LARGE1: variants seen among roughly 807,000 people sequenced by gnomAD.
LARGE1 encodes the protein xylosyl- and glucuronyltransferase LARGE1.
LARGE1 carries 43 observed loss-of-function variants against 87.6 expected under a neutral mutation model. That is an observed-to-expected ratio of 0.49 (90% CI 0.38 to 0.63). The LOEUF (loss-of-function observed/expected upper bound fraction) is 0.63. LARGE1 is among the 30% of genes least tolerant of loss of function. The pLI is 0.00. For synonymous variants in LARGE1, 434 were observed against 394.6 expected, an observed-to-expected ratio of 1.10 and a Z score of -1.18; for missense variants, 802 against 1,000.2, an observed-to-expected ratio of 0.80 and a Z score of 2.67.
intron 6 of LARGE1, among the ~76,000 whole-genome samples, chr22:33,454,088 T>C (rs1486328772): frequency 1.3e-5 from 2 of 152,140 alleles, no homozygotes; most frequent in African/African-American, 4.8e-5. Context: ...ACATATGAGG[T>C]CTCTGAGTTG....
chr22:33,257,350 T>C (rs1927352375), intron 11 of LARGE1, among the ~76,000 whole-genome samples: 1 of 151,842 alleles, frequency 6.6e-6, no homozygotes, highest in Non-Finnish European at 1.5e-5. Flanking sequence ...CTAGGCAACA[T>C]GGTGAAATCC....
intron 1 of LARGE1, among the ~76,000 whole-genome samples, chr22:33,917,270 C>G (rs150521180): frequency 1.0e-3 from 154 of 152,324 alleles, no homozygotes; most frequent in African/African-American, 3.6e-3. Flanking sequence ...CCCGCTACTC[C>G]CACCTCTGGG....
intron 1 of LARGE1, among the ~76,000 whole-genome samples, chr22:33,839,181 G>A (rs2063197001): frequency 2.6e-5 from 4 of 152,222 alleles, no homozygotes. Flanking sequence ...CACTTCTGGA[G>A]AGGGCCTCAG....
At chr22:33,505,473 G>A (rs181527378) in intron 6 of LARGE1, among the ~76,000 whole-genome samples, 185 of 152,280 alleles carry the variant, frequency 1.2e-3, no homozygotes, top group Non-Finnish European at 2.1e-3. Context: ...TCGTTTCCCT[G>A]GAAGAAGAAA....
At chr22:33,396,870 G>C (rs2065764036) in intron 7 of LARGE1, among the ~76,000 whole-genome samples, 1 of 152,160 alleles carries the variant, frequency 6.6e-6, no homozygotes, top group South Asian at 2.1e-4. Context: ...GGACACAAAC[G>C]GTTTGGTGGC....
In LARGE1 at chr22:33,722,526, C is replaced by T. The variant is rs112576903; in HGVS notation, c.106+38845G>A. ...TAAAAGTCCTTCAAGTGAATGAAAA[C>T]GTGTTGAGCACCTATGATGTGCATG... On this transcript the variant is annotated intron_variant, in intron 2 of 14. Transcript: ENST00000397394. 9.9e-5 allele frequency among the ~76,000 whole-genome samples: 15 copies of T among 152,158 alleles called. 1 individual carries two copies. The highest frequency in any genetic ancestry group is 3.1e-4 in the African/African-American group (13 of 41,524).
chr22:33,292,638 T>A (rs1932766171), intron 12 of LARGE1, among the ~76,000 whole-genome samples: 1 of 152,160 alleles, frequency 6.6e-6, no homozygotes, highest in Admixed American at 6.6e-5. Context: ...TCCAGCTGTG[T>A]GCCTGACATA....
intron 1 of LARGE1, among the ~76,000 whole-genome samples, chr22:33,803,524 G>A (rs1043014622): frequency 2.0e-5 from 3 of 152,146 alleles, no homozygotes; most frequent in Non-Finnish European, 4.4e-5. Context: ...CAATTCACTA[G>A]GAGGACTCGC....
intron 12 of LARGE1, among the ~76,000 whole-genome samples, chr22:33,293,226 C>A (rs1932848864): frequency 6.6e-6 from 1 of 152,172 alleles, no homozygotes; most frequent in African/African-American, 2.4e-5. Flanking sequence ...TCAGCACCTG[C>A]CTGGTATACT....
chr22:33,086,061 G>A, the LARGE1 span, among the ~76,000 whole-genome samples: 1 of 152,128 alleles, frequency 6.6e-6, no homozygotes, highest in Admixed American at 6.6e-5. Context: ...TTTAACACCT[G>A]TGCACATGAG....
the LARGE1 span, among the ~76,000 whole-genome samples, chr22:33,107,601 A>C: frequency 1.3e-5 from 2 of 152,218 alleles, no homozygotes; most frequent in Non-Finnish European, 2.9e-5. Flanking sequence ...GCAGTGGCTC[A>C]TGCCTGTAAT....
intron 1 of LARGE1, among the ~76,000 whole-genome samples, chr22:33,808,156 T>C (rs1569454228): frequency 6.6e-6 from 1 of 152,246 alleles, no homozygotes; most frequent in Non-Finnish European, 1.5e-5. Flanking sequence ...CACATCCTCA[T>C]CAGCATTTGG....
At chr22:33,347,509 C>T (rs962285944) in intron 9 of LARGE1, among the ~76,000 whole-genome samples, 5 of 152,134 alleles carry the variant, frequency 3.3e-5, no homozygotes, top group African/African-American at 1.2e-4. Flanking sequence ...AACATATTCC[C>T]CTTTTCTTTG....
At chr22:33,203,453 TC>T (rs1278085033) in intron 11 of LARGE1, among the ~76,000 whole-genome samples, 2 of 152,126 alleles carry the variant, frequency 1.3e-5, no homozygotes, top group African/African-American at 4.8e-5. Flanking sequence ...GGTGATCCTT[TC>T]CTCTGGCTCC....
chr22:33,581,444 T>C (rs1255568989), intron 5 of LARGE1, among the ~76,000 whole-genome samples: 1 of 152,198 alleles, frequency 6.6e-6, no homozygotes, highest in Non-Finnish European at 1.5e-5. Context: ...AAGTTTCCTA[T>C]CCAAAGTAAC....
chr22:33,102,820 C>T, the LARGE1 span, among the ~76,000 whole-genome samples: 1 of 152,136 alleles, frequency 6.6e-6, no homozygotes, highest in African/African-American at 2.4e-5. Flanking sequence ...AGCCTGCACT[C>T]CCGGCCCTTT....
At chr22:33,375,491 T>TA (rs11307932) in intron 9 of LARGE1, among the ~76,000 whole-genome samples, 15 of 150,364 alleles carry the variant, frequency 1.0e-4, no homozygotes, top group African/African-American at 2.4e-4. Context: ...CTCCTAAAAA[T>TA]AAAAAAAAAA....
intron 6 of LARGE1, among the ~76,000 whole-genome samples, chr22:33,555,995 A>G (rs1319965167): frequency 6.6e-6 from 1 of 151,812 alleles, no homozygotes; most frequent in African/African-American, 2.4e-5. Context: ...ACTCTCTCTA[A>G]TCTCTCTCTG....
At chr22:33,660,090 GTTTTT>G (rs35643369) in intron 2 of LARGE1, among the ~76,000 whole-genome samples, 5 of 125,418 alleles carry the variant, frequency 4.0e-5, no homozygotes, top group African/African-American at 8.6e-5. Flanking sequence ...GTGTGTGTGT[GTTTTT>G]TTTTTTTTTT....
Sources: gnomAD v4.1 joint callset for allele counts (sites outside exome capture counted in the v4.1 genomes callset) on GRCh38, gnomAD v4.1.1 for gene constraint, MANE v1.5 for transcripts, NCBI Gene and HGNC (gene_info 2026-07-23, HGNC 2026-07-21) for gene names.